TBC1D16: variants seen among roughly 807,000 people sequenced by gnomAD.
The protein encoded by TBC1D16 is TBC1 domain family member 16.
A neutral mutation model predicts 74.7 loss-of-function variants in TBC1D16; 58 were observed. The ratio of observed to expected loss-of-function variants is 0.78; its 90% CI spans 0.63 to 0.97. TBC1D16 has a LOEUF of 0.97. TBC1D16 is among the 50% of genes least tolerant of loss of function. The pLI is 0.00. For missense variants in TBC1D16, 1,014 were observed against 1,079.5 expected (o/e 0.94, Z 0.85); for synonymous variants, 493 against 474.7 (o/e 1.04, Z -0.50).
intron 1 of TBC1D16, among the ~76,000 whole-genome samples, chr17:80,014,150 G>A (rs2036004804): frequency 6.6e-6 from 1 of 152,086 alleles, no homozygotes; most frequent in Non-Finnish European, 1.5e-5. Context: ...TGAGGTAAGG[G>A]GTTCGAGACC....
chr17:80,018,151 A>G (rs1371313921), intron 1 of TBC1D16, among the ~76,000 whole-genome samples: 5 of 151,760 alleles, frequency 3.3e-5, no homozygotes, highest in South Asian at 4.2e-4. Flanking sequence ...CAGGAGACAT[A>G]GATACAATTT....
chr17:79,962,000 C>T lies in TBC1D16; in HGVS notation c.780-9182G>A, dbSNP rs1312017276. On this transcript the variant is annotated intron_variant, in intron 3 of 11. Coordinates refer to ENST00000310924, the MANE Select transcript of TBC1D16 (RefSeq NM_019020.4). This position sits in a 1 kb window ranked among gnomAD's most constrained non-coding sequence, Gnocchi z 4.8. ...ACTACTCAGCTGTAACACGCAGTAG[C>T]ATGGACGCATGACAAAATTATTATG... Among the ~76,000 whole-genome samples, 1 of 152,116 alleles carries T rather than the reference C, an allele frequency of 6.6e-6. No individual in the cohort carries two copies. The highest frequency in any genetic ancestry group is 2.4e-5 in the African/African-American group (1 of 41,440).
chr17:79,943,779 A>G, intron 10 of TBC1D16: 2 of 1,222,606 alleles, frequency 1.6e-6, no homozygotes, highest in Non-Finnish European at 2.1e-6. Flanking sequence ...TGGGAAAGGG[A>G]CCCATCTGCC....
chr17:79,941,892 C>T lies in TBC1D16; in HGVS notation c.2055+168G>A, dbSNP rs1287918909. ...CTGACCACGAGGCCTTAGTGGGGAG[C>T]CCCCAGTGCTATGGGTGGGGGAGGG... On this transcript the variant is annotated intron_variant, in intron 11 of 11. Coordinates refer to ENST00000310924, the MANE Select transcript of TBC1D16 (RefSeq NM_019020.4). The surrounding 1 kb of genome is among the most constrained non-coding windows in gnomAD (Gnocchi z 4.3). Among the ~76,000 whole-genome samples, 4 of 150,490 alleles carry T rather than the reference C, an allele frequency of 2.7e-5. No individual in the cohort carries two copies. The highest frequency in any genetic ancestry group is 2.1e-4 in the South Asian group (1 of 4,818).
At position 79,942,131 on chromosome 17, in the gene TBC1D16, C is replaced by G. The variant is rs765846083; in HGVS notation, c.1984G>C (p.Ala662Pro). The change falls in exon 11 of 12, where the codon GCC (alanine) becomes CCC (proline). Residue 662 changes from alanine to proline, a missense_variant. Transcript: ENST00000310924. The part of the protein sequence containing the change: ...YGDDVIEQQL[A>P]TDQMLLHFGN... Reference sequence around the variant, plus strand: ...AAGTGCAGGAGCATCTGGTCCGTGGCCAGCTGCTGCTCGATGACGTCATCC... The same window carrying G: ...AAGTGCAGGAGCATCTGGTCCGTGGGCAGCTGCTGCTCGATGACGTCATCC... 1.2e-6 allele frequency: 2 copies of G among 1,611,330 alleles called. No homozygotes were observed. The highest frequency in any genetic ancestry group is 2.2e-5 in the South Asian group (2 of 90,506).
At chr17:80,023,665 C>CCG (rs1555885660) in intron 1 of TBC1D16, among the ~76,000 whole-genome samples, 1 of 142,754 alleles carries the variant, frequency 7.0e-6, no homozygotes, top group Non-Finnish European at 1.5e-5. Flanking sequence ...GGGCCCCCCC[C>CCG]CACCGGCTCA....
rs2034855369 is a variant in TBC1D16 at position 79,986,811 on chromosome 17, T to A, written c.779+23349A>T. Among the ~76,000 whole-genome samples the A allele has an allele frequency of 6.6e-6, 1 of 152,096 alleles. No homozygotes were observed. Among genetic ancestry groups the A allele is most frequent in the African/African-American group, 2.4e-5 (1 of 41,420 alleles). ...GCGGGAGATGACACCTCCGATCAGG[T>A]CCACGGGAAGATGGGGGTGAACGAG... On this transcript the variant is annotated intron_variant, in intron 3 of 11. Transcript: ENST00000310924. This position sits in a 1 kb window ranked among gnomAD's most constrained non-coding sequence, Gnocchi z 6.0.
rs1233557113 is a variant in TBC1D16 at position 79,941,438 on chromosome 17, C to A, written c.2056-331G>T. 6.6e-6 allele frequency among the ~76,000 whole-genome samples: 1 copy of A among 152,044 alleles called. No homozygotes were observed. The highest frequency in any genetic ancestry group is 2.4e-5 in the African/African-American group (1 of 41,408). The stretch of plus-strand genomic sequence containing the variant: ...AGGGCCGGGTGGCGTCCAGCCAAGC[C>A]CACCTGTCCCTTTGGCAGCACCCCT... On this transcript the variant is annotated intron_variant, in intron 11 of 11. Coordinates refer to ENST00000310924, the MANE Select transcript of TBC1D16 (RefSeq NM_019020.4). This position sits in a 1 kb window ranked among gnomAD's most constrained non-coding sequence, Gnocchi z 4.3.
At chr17:79,953,782 CT>C in intron 3 of TBC1D16, among the ~76,000 whole-genome samples, 1 of 140,678 alleles carries the variant, frequency 7.1e-6, no homozygotes, top group East Asian at 2.0e-4. Flanking sequence ...TTTTTTTTTT[CT>C]TTTTTTGAGA....
At chr17:79,959,231 G>A (rs1392886434) in intron 3 of TBC1D16, among the ~76,000 whole-genome samples, 1 of 152,146 alleles carries the variant, frequency 6.6e-6, no homozygotes, top group Non-Finnish European at 1.5e-5. Flanking sequence ...CACAAAAATT[G>A]CTGAGATAAG....
In TBC1D16 at chr17:80,009,310, G is replaced by A. The variant is rs2035791565; in HGVS notation, c.779+850C>T. ...AGGACCACAGCCGGGGCATAGGAAG[G>A]GGCTGTGGAAGTCGGATGCAGGCCC... is the stretch of plus-strand genomic sequence containing the variant. On this transcript the variant is annotated intron_variant, in intron 3 of 11. Coordinates refer to ENST00000310924, the MANE Select transcript of TBC1D16 (RefSeq NM_019020.4). This position sits in a 1 kb window ranked among gnomAD's most constrained non-coding sequence, Gnocchi z 5.4. Among the ~76,000 whole-genome samples, 1 of 152,236 alleles carries A rather than the reference G, an allele frequency of 6.6e-6. No homozygotes were observed. Among genetic ancestry groups the A allele is most frequent in the African/African-American group, 2.4e-5 (1 of 41,458 alleles).
chr17:80,013,313 C>A, intron 2 of TBC1D16, 54 bp downstream of exon 2: 1 of 1,523,652 alleles, frequency 6.6e-7, no homozygotes, highest in Non-Finnish European at 8.8e-7. Context: ...AGAGCCCTGG[C>A]TCGGAAAATA....
intron 1 of TBC1D16, among the ~76,000 whole-genome samples, chr17:80,017,378 C>A (rs891484264): frequency 6.6e-6 from 1 of 151,960 alleles, no homozygotes. Context: ...ATTTTTCAAC[C>A]CCCTTAAAAA....
rs888335225 is a variant in TBC1D16, at chr17:79,983,036, C to T, written c.779+27124G>A. On this transcript the variant is annotated intron_variant, in intron 3 of 11. Transcript: ENST00000310924. This position sits in a 1 kb window ranked among gnomAD's most constrained non-coding sequence, Gnocchi z 5.6. Reference sequence around the variant, plus strand: ...ATCCCTGTGTGTGTGCACACGCATCCACCCCGAGCCTCTGTGTGCAGAGCT... The same window carrying T: ...ATCCCTGTGTGTGTGCACACGCATCTACCCCGAGCCTCTGTGTGCAGAGCT... 1.3e-5 allele frequency among the ~76,000 whole-genome samples: 2 copies of T among 152,188 alleles called. No individual in the cohort carries two copies. The highest frequency in any genetic ancestry group is 2.9e-5 in the Non-Finnish European group (2 of 68,036).
intron 1 of TBC1D16, among the ~76,000 whole-genome samples, chr17:80,025,546 C>T (rs1393764849): frequency 1.3e-5 from 2 of 150,062 alleles, no homozygotes; most frequent in Non-Finnish European, 2.9e-5. Flanking sequence ...GCAGTCCTGG[C>T]ACCTGGGCTT....
intron 3 of TBC1D16, among the ~76,000 whole-genome samples, chr17:79,978,873 G>C (rs2034452113): frequency 6.6e-6 from 1 of 152,228 alleles, no homozygotes; most frequent in Non-Finnish European, 1.5e-5. Flanking sequence ...ATAATTAATA[G>C]CTCAAGCAGT....
Position 79,982,291 on chromosome 17 carries a change from C to T in TBC1D16, c.779+27869G>A, listed in dbSNP as rs949670980. Among the ~76,000 whole-genome samples the T allele has an allele frequency of 4.7e-4, 71 of 151,674 alleles. 2 individuals are homozygous for T. Among genetic ancestry groups the T allele is most frequent in the South Asian group, 2.1e-4 (1 of 4,784 alleles). ...CCTCCTGAGTAGCTGGAATTACATG[C>T]GCCCGCCATCAAGCCCAGCTAATTT... On this transcript the variant is annotated intron_variant, in intron 3 of 11. Transcript: ENST00000310924.
chr17:79,989,171 C>T (rs919518486), intron 3 of TBC1D16, among the ~76,000 whole-genome samples: 3 of 152,234 alleles, frequency 2.0e-5, no homozygotes, highest in Admixed American at 6.5e-5. Flanking sequence ...AATGCAGCAC[C>T]GTGTGCCCCC....
At chr17:80,004,805 G>T (rs2035615100) in intron 3 of TBC1D16, among the ~76,000 whole-genome samples, 1 of 152,168 alleles carries the variant, frequency 6.6e-6, no homozygotes, top group South Asian at 2.1e-4. Flanking sequence ...TTCCCAAGTA[G>T]CTGGGATTAC....
Sources: allele counts gnomAD v4.1 joint callset (sites outside exome capture counted in the v4.1 genomes callset), GRCh38; gene constraint gnomAD v4.1.1; non-coding constraint Gnocchi (gnomAD v3.1); transcripts MANE v1.5; gene names NCBI Gene and HGNC (gene_info 2026-07-23, HGNC 2026-07-21).